The following SMARCC1 variants were observed in gnomAD, a reference collection of about 807,000 sequenced individuals.
The protein encoded by SMARCC1 is SWI/SNF complex subunit SMARCC1.
A neutral mutation model predicts 147.4 loss-of-function variants in SMARCC1; 43 were observed. The ratio of observed to expected loss-of-function variants is 0.29; its 90% CI spans 0.23 to 0.38. The LOEUF is 0.38. Among genes scored for constraint, SMARCC1 ranks in the 10% least tolerant of loss-of-function variants. The pLI is 1.00. For synonymous variants in SMARCC1, 495 were observed against 484.4 expected (o/e 1.02, Z -0.29); for missense variants, 1,119 against 1,381.1 (o/e 0.81, Z 3.01).
intron 17 of SMARCC1, 54 bp from the exon 18 acceptor site, chr3:47,675,642 T>G: frequency 1.0e-6 from 1 of 981,540 alleles, no homozygotes; most frequent in Non-Finnish European, 1.6e-6. Flanking sequence ...GTCAAGAGGG[T>G]AAATGTTTTT....
intron 26 of SMARCC1, 78 bp downstream of exon 26, chr3:47,609,988 T>C (rs1459075425): frequency 6.8e-7 from 1 of 1,473,282 alleles, no homozygotes; most frequent in Non-Finnish European, 9.3e-7. Flanking sequence ...AAACACCAAC[T>C]GTGTGGTTGG....
chr3:47,766,783 T>G (rs1414554016), intron 2 of SMARCC1, among the ~76,000 whole-genome samples: 1 of 152,182 alleles, frequency 6.6e-6, no homozygotes, highest in East Asian at 1.9e-4. Context: ...GCAATATACC[T>G]TTAGCCTTAG....
intron 16 of SMARCC1, among the ~76,000 whole-genome samples, chr3:47,677,915 C>T (rs112047153): frequency 0.01 from 1,532 of 152,060 alleles, 12 homozygotes; most frequent in Middle Eastern, 0.041. Flanking sequence ...CTTCGGGAGG[C>T]GGAGGCAGGA....
In SMARCC1 at chr3:47,661,409, T is replaced by C; in HGVS notation, c.2205A>G (p.Glu735=). The C allele has an allele frequency of 6.2e-7, 1 of 1,613,498 alleles. No individual in the cohort carries two copies. Among genetic ancestry groups the C allele is most frequent in the Non-Finnish European group, 8.5e-7 (1 of 1,179,818 alleles). ...VREEVPLELV[E]AHVKKVQEAA... ...CTTCTTGTACTTTCTTGACATGAGC[T>C]TCAACCAATTCCAGTGGTACCTCCT... The change falls in exon 21 of 28, where the codon GAA becomes GAG. Residue 735 remains glutamate (E), a synonymous_variant. Coordinates refer to ENST00000254480, the MANE Select transcript of SMARCC1 (RefSeq NM_003074.4).
intron 10 of SMARCC1, among the ~76,000 whole-genome samples, chr3:47,704,599 G>A (rs998454104): frequency 7.2e-5 from 11 of 152,106 alleles, no homozygotes; most frequent in Non-Finnish European, 1.5e-4. Flanking sequence ...TCTCTGAACA[G>A]CAACAACAAT....
chr3:47,721,229 C>T (rs748261708), intron 6 of SMARCC1, among the ~76,000 whole-genome samples: 3 of 152,164 alleles, frequency 2.0e-5, no homozygotes, highest in Non-Finnish European at 4.4e-5. Flanking sequence ...GTCCTATAAG[C>T]TGTAAAGTGC....
intron 5 of SMARCC1, among the ~76,000 whole-genome samples, chr3:47,734,582 C>T (rs2034417532): frequency 6.6e-6 from 1 of 152,208 alleles, no homozygotes; most frequent in Admixed American, 6.6e-5. Context: ...AAATTATCTT[C>T]TACGTAAGTC....
chr3:47,597,151 A>G (rs1162540956), intron 26 of SMARCC1, among the ~76,000 whole-genome samples: 2 of 131,934 alleles, frequency 1.5e-5, no homozygotes, highest in African/African-American at 3.1e-5. Flanking sequence ...ACTCAGTCTC[A>G]AAAAAAAAAA....
At chr3:47,652,780 A>T (rs1187235827) in intron 21 of SMARCC1, among the ~76,000 whole-genome samples, 1 of 152,186 alleles carries the variant, frequency 6.6e-6, no homozygotes, top group East Asian at 1.9e-4. Context: ...AACAAAAAAT[A>T]TATAAATGTA....
chr3:47,746,355 A>C (rs2034563944), intron 2 of SMARCC1: 1 of 161,958 alleles, frequency 6.2e-6, no homozygotes, highest in African/African-American at 2.4e-5. Context: ...CTGGGGTGGG[A>C]GGATCACTTC....
rs1410888985 is a variant in SMARCC1, at chr3:47,587,300, G to C, written c.*909C>G. 2 of 30,298 alleles carry C rather than the reference G, an allele frequency of 6.6e-5. No homozygotes were observed. Among genetic ancestry groups the C allele is most frequent in the Non-Finnish European group, 1.4e-4 (2 of 14,468 alleles). 1.9% of individuals were successfully genotyped at this position (30,298 alleles called of 1,614,324 possible). A position where few individuals can be genotyped will look rare whatever the true frequency, so the allele number is the denominator to read the frequency against. ...ATGCACACAAAGCAGTGAATAGTAGGCTAGACTCATTGGGGGTAATTACCC... is the reference window on the plus strand; with the variant it reads ...ATGCACACAAAGCAGTGAATAGTAGCCTAGACTCATTGGGGGTAATTACCC... On this transcript the variant is annotated 3_prime_UTR_variant, in exon 28 of 28. Transcript: ENST00000254480.
rs377443552 is a variant in SMARCC1 at position 47,715,980 on chromosome 3, T to C, written c.717-1490A>G. ...CAGACCACCTACTCCAACAAAATCA[T>C]AAAATAGGCACAAAATTTTAACCAA... On this transcript the variant is annotated intron_variant, in intron 7 of 27. Transcript: ENST00000254480. Among the ~76,000 whole-genome samples, 6 of 151,602 alleles carry C rather than the reference T, an allele frequency of 4.0e-5. 1 individual carries two copies. The East Asian group carries it at 9.6e-4, about 24-fold the overall frequency.
intron 3 of SMARCC1, among the ~76,000 whole-genome samples, chr3:47,745,585 C>T (rs1255340175): frequency 2.0e-5 from 3 of 151,650 alleles, no homozygotes; most frequent in Admixed American, 1.3e-4. Context: ...TGGTGGTGCA[C>T]GCCTACAGTC....
intron 26 of SMARCC1, among the ~76,000 whole-genome samples, chr3:47,591,274 T>C (rs1559620465): frequency 6.6e-6 from 1 of 152,140 alleles, no homozygotes; most frequent in East Asian, 1.9e-4. Flanking sequence ...CAGATTGTGC[T>C]CCATGGCTTA....
At chr3:47,611,149 C>T (rs1014228) in intron 25 of SMARCC1, among the ~76,000 whole-genome samples, 87,654 of 152,060 alleles carry the variant, frequency 0.58, 26,570 homozygotes, top group Non-Finnish European at 0.68. Flanking sequence ...TCAACCTGAA[C>T]ATGCAGGAAA....
chr3:47,781,369 G>GC (rs2035045339), intron 1 of SMARCC1, among the ~76,000 whole-genome samples: 1 of 152,232 alleles, frequency 6.6e-6, no homozygotes, highest in Non-Finnish European at 1.5e-5. Context: ...ACGAGACTGA[G>GC]CAGGGGCTTT....
chr3:47,714,780 T>C (rs2034135229), intron 7 of SMARCC1, among the ~76,000 whole-genome samples: 1 of 151,896 alleles, frequency 6.6e-6, no homozygotes, highest in African/African-American at 2.4e-5. Context: ...GGCAACAGAG[T>C]GATACCCTAT....
intron 14 of SMARCC1, among the ~76,000 whole-genome samples, chr3:47,685,546 T>C (rs1443262739): frequency 6.6e-6 from 1 of 151,358 alleles, no homozygotes; most frequent in Non-Finnish European, 1.5e-5. Flanking sequence ...ATCCCTGAAT[T>C]GTTTTTCTTT....
chr3:47,594,450 T>C (rs1329852133), intron 26 of SMARCC1, among the ~76,000 whole-genome samples: 1 of 152,250 alleles, frequency 6.6e-6, no homozygotes, highest in Non-Finnish European at 1.5e-5. Context: ...TTAATTTTTG[T>C]CTTTTTGTGC....
Sources: allele counts gnomAD v4.1 joint callset (sites outside exome capture counted in the v4.1 genomes callset), GRCh38; gene constraint gnomAD v4.1.1; transcripts MANE v1.5; gene names NCBI Gene and HGNC (gene_info 2026-07-23, HGNC 2026-07-21).